The following BAIAP2L1 variants were observed in gnomAD, a reference collection of about 807,000 sequenced individuals.
BAIAP2L1 encodes the protein BAR/IMD domain containing adaptor protein 2 like 1, also known as BAR/IMD domain-containing adapter protein 2-like 1.
BAIAP2L1 carries 35 observed loss-of-function variants against 66.3 expected under a neutral mutation model. The observed-to-expected ratio is 0.53, with a 90% CI of 0.40 to 0.70. BAIAP2L1 has a LOEUF of 0.70. Among genes scored for constraint, BAIAP2L1 ranks in the 30% least tolerant of loss-of-function variants. BAIAP2L1 has a pLI of 0.00. For synonymous variants in BAIAP2L1, 269 were observed against 248.7 expected, an observed-to-expected ratio of 1.08 and a Z score of -0.77; for missense variants, 622 against 656.9, an observed-to-expected ratio of 0.95 and a Z score of 0.58.
At chr7:98,377,560 T>C (rs1174598020) in intron 1 of BAIAP2L1, among the ~76,000 whole-genome samples, 1 of 152,170 alleles carries the variant, frequency 6.6e-6, no homozygotes, top group Admixed American at 6.5e-5. Context: ...GGCTCACGCC[T>C]GTAATCCCAG....
chr7:98,385,775 A>G, intron 1 of BAIAP2L1: 1 of 1,458,434 alleles, frequency 6.9e-7, no homozygotes, highest in Non-Finnish European at 9.3e-7. Flanking sequence ...TTTATTTGCC[A>G]CTATTTGAAG....
At chr7:98,312,876 C>T (rs1800923252) in intron 7 of BAIAP2L1, among the ~76,000 whole-genome samples, 1 of 152,144 alleles carries the variant, frequency 6.6e-6, no homozygotes, top group Admixed American at 6.5e-5. Flanking sequence ...AGTGCCCCTC[C>T]AGCACCCACA....
At chr7:98,392,165 G>A (rs1397388802) in intron 1 of BAIAP2L1, among the ~76,000 whole-genome samples, 1 of 58,094 alleles carries the variant, frequency 1.7e-5, no homozygotes, top group Admixed American at 2.2e-4. Flanking sequence ...AGACCCCCTC[G>A]CTAAAAAAAA....
chr7:98,352,954 CA>C (rs1441607281), intron 3 of BAIAP2L1, among the ~76,000 whole-genome samples: 34 of 151,972 alleles, frequency 2.2e-4, no homozygotes, highest in Admixed American at 2.0e-3. Flanking sequence ...TGCATGACAC[CA>C]ATAGGATGTT....
At chr7:98,365,458 T>G (rs781412468) in intron 1 of BAIAP2L1, among the ~76,000 whole-genome samples, 2 of 152,212 alleles carry the variant, frequency 1.3e-5, no homozygotes, top group Admixed American at 6.5e-5. Flanking sequence ...TCATGTTTCT[T>G]GATTGCTCTT....
At chr7:98,311,973 T>C in intron 8 of BAIAP2L1, 124 bp downstream of exon 8, 1 of 941,488 alleles carries the variant, frequency 1.1e-6, no homozygotes, top group Non-Finnish European at 1.6e-6. Flanking sequence ...GGGATAGAGG[T>C]GCGAAAAGGT....
chr7:98,387,881 A>AACAAC (rs1389612789), intron 1 of BAIAP2L1, among the ~76,000 whole-genome samples: 1 of 85,574 alleles, frequency 1.2e-5, no homozygotes, highest in African/African-American at 3.8e-5. Context: ...AACAAAACAA[A>AACAAC]ACAACAACAA....
chr7:98,400,656 G>A, intron 1 of BAIAP2L1, 146 bp downstream of exon 1: 2 of 903,438 alleles, frequency 2.2e-6, no homozygotes, highest in Non-Finnish European at 1.8e-6. Context: ...TGGAGGGCCA[G>A]GGGAGGAGTG....
intron 1 of BAIAP2L1, among the ~76,000 whole-genome samples, chr7:98,396,400 G>A (rs1260105591): frequency 6.6e-6 from 1 of 152,136 alleles, no homozygotes; most frequent in Non-Finnish European, 1.5e-5. Flanking sequence ...TTCAAAACAT[G>A]CCAATGATGA....
chr7:98,369,782 G>A (rs945917423), intron 1 of BAIAP2L1, among the ~76,000 whole-genome samples: 1 of 142,360 alleles, frequency 7.0e-6, no homozygotes, highest in African/African-American at 2.6e-5. Context: ...CGCAACTCTT[G>A]TGCCTCCGCC....
rs1463687486 is a variant in BAIAP2L1 at position 98,294,095 on chromosome 7, G to C, written c.1439C>G (p.Thr480Ser). Reference protein sequence around the residue: ...ETAAPNDANGTAKPPFLSGEN... With the variant: ...ETAAPNDANGSAKPPFLSGEN... ...CTACCTGAGAAAAGGCGGCTTTGCA[G>C]TCCCGTTGGCATCGTTCTGTGAGAA... Residue 480 changes from threonine (T) to serine (S), a missense_variant, in exon 13 of 14, where the codon ACT becomes AGT. Physicochemically the swap from Thr to Ser is moderately conservative, Grantham distance 58. Coordinates refer to ENST00000005260, the MANE Select transcript of BAIAP2L1 (RefSeq NM_018842.5). 1 of 1,614,154 alleles carries C rather than the reference G, an allele frequency of 6.2e-7. No homozygotes were observed. Among genetic ancestry groups the C allele is most frequent in the African/African-American group, 1.3e-5 (1 of 75,072 alleles).
rs117729899 is a variant in BAIAP2L1 at position 98,378,615 on chromosome 7, G to A, written c.52-16183C>T. ...CTGTTTACTCTCTGTCTCCTTGGTA[G>A]AAACTACATGTAATCAAGGCTAGGG... On this transcript the variant is annotated intron_variant, in intron 1 of 13. Transcript: ENST00000005260. Among the ~76,000 whole-genome samples the A allele has an allele frequency of 5.2e-3, 790 of 152,214 alleles. 3 individuals carry two copies. The highest frequency in any genetic ancestry group is 8.9e-3 in the Non-Finnish European group (608 of 68,024).
At chr7:98,390,487 G>C (rs571706266) in intron 1 of BAIAP2L1, among the ~76,000 whole-genome samples, 2 of 151,956 alleles carry the variant, frequency 1.3e-5, no homozygotes, top group East Asian at 4.0e-4. Flanking sequence ...CCAGCACTTT[G>C]GGAGGCCGAG....
At chr7:98,370,372 C>CA (rs397890051) in intron 1 of BAIAP2L1, among the ~76,000 whole-genome samples, 83,252 of 103,398 alleles carry the variant, frequency 0.81, 33,591 homozygotes, top group East Asian at 0.91. Flanking sequence ...GGCTCCGTCT[C>CA]AAAAAAAAAA....
Position 98,399,621 on chromosome 7 carries a change from T to A in BAIAP2L1, c.51+1181A>T. On this transcript the variant is annotated intron_variant, in intron 1 of 13. Transcript: ENST00000005260. The stretch of plus-strand genomic sequence containing the variant: ...TTAGAGAACGTTAAAGTTTCAAGGG[T>A]TCGAAGCGCCTAGGCTGAATTAAAA... Among the ~76,000 whole-genome samples the A allele has an allele frequency of 1.3e-5, 2 of 152,144 alleles. 1 individual carries two copies. Among genetic ancestry groups the A allele is most frequent in the Non-Finnish European group, 2.9e-5 (2 of 68,028 alleles).
In BAIAP2L1 at chr7:98,310,590, A is replaced by T. The variant is rs1161974481; in HGVS notation, c.810T>A (p.Val270=). 1 of 1,564,826 alleles carries T rather than the reference A, an allele frequency of 6.4e-7. No homozygotes were observed. Among genetic ancestry groups the T allele is most frequent in the Non-Finnish European group, 8.6e-7 (1 of 1,163,816 alleles). Residue 270 remains valine (V), a splice_region_variant and synonymous_variant, in exon 9 of 14, where the codon GTT becomes GTA. Transcript: ENST00000005260. ...TAGAAAGGGTGTCGTAATCTTTCCT[A>T]ACCTGTGAAAAATTCTTTATTAGTC... ...ASPMIERSNV[V]RKDYDTLSKC... is the part of the protein sequence containing the mutation.
At chr7:98,398,790 G>C (rs1453737107) in intron 1 of BAIAP2L1, among the ~76,000 whole-genome samples, 3 of 152,116 alleles carry the variant, frequency 2.0e-5, no homozygotes, top group South Asian at 4.1e-4. Flanking sequence ...AGGAAGAAGC[G>C]GGAGAAAAAA....
intron 8 of BAIAP2L1, 111 bp from the exon 9 acceptor site, chr7:98,310,703 T>TATTTA: frequency 3.5e-5 from 32 of 922,966 alleles, no homozygotes; most frequent in South Asian, 4.6e-5. Flanking sequence ...TTTATTTATT[T>TATTTA]TGAGACAGAG....
At chr7:98,357,044 TATATA>T (rs569593627) in intron 2 of BAIAP2L1, among the ~76,000 whole-genome samples, 4 of 14,010 alleles carry the variant, frequency 2.9e-4, no homozygotes, top group South Asian at 3.7e-3. Flanking sequence ...TATATATATA[TATATA>T]TTTTTTTTTT....
Sources: allele counts gnomAD v4.1 joint callset (sites outside exome capture counted in the v4.1 genomes callset), GRCh38; gene constraint gnomAD v4.1.1; transcripts MANE v1.5; gene names NCBI Gene and HGNC (gene_info 2026-07-23, HGNC 2026-07-21).